Variants in TENM1 observed in about 807,000 individuals in gnomAD.
TENM1 encodes the protein teneurin-1.
A neutral mutation model predicts 174.8 loss-of-function variants in TENM1; 35 were observed. The observed-to-expected ratio is 0.20, with a 90% CI of 0.15 to 0.27. The LOEUF (loss-of-function observed/expected upper bound fraction) is 0.27. Ranked by LOEUF, TENM1 falls within the 10% of genes least tolerant of loss-of-function variation. The pLI is 1.00. For synonymous variants in TENM1, 781 were observed against 798.7 expected, an observed-to-expected ratio of 0.98 and a Z score of 0.37; for missense variants, 1,633 against 2,130.1, an observed-to-expected ratio of 0.77 and a Z score of 4.59.
At chrX:125,089,906 T>C in the TENM1 span, among the ~76,000 whole-genome samples, 2 of 111,396 alleles carry the variant, frequency 1.8e-5, no homozygotes, top group Non-Finnish European at 3.8e-5. Flanking sequence ...ATAGAAAATT[T>C]AGGGGTCTGT....
Position 124,379,059 on chromosome X carries a change from TG to T in TENM1, c.*1476del, listed in dbSNP as rs1349303433. ...ATTTTACAAACTATCTCTTTGTCAC[TG>T]GGCACAAATCTTCCAGCTCACCAAG... On this transcript the variant is annotated 3_prime_UTR_variant, in exon 32 of 32. Transcript: ENST00000422452. 4.5e-5 allele frequency: 5 copies of T among 112,260 alleles called. No individual in the cohort carries two copies. The Admixed American group carries it at 4.7e-4, about 11-fold the overall frequency. The allele number at this position is 112,260 out of a possible 1,213,427, so 9.3% of individuals were successfully genotyped here.
the TENM1 span, among the ~76,000 whole-genome samples, chrX:125,185,554 G>C: frequency 2.7e-5 from 3 of 112,291 alleles, no homozygotes; most frequent in African/African-American, 9.7e-5. Context: ...AAATACAACT[G>C]ACTATATCAC....
intron 22 of TENM1, among the ~76,000 whole-genome samples, chrX:124,478,773 C>G (rs1390904363): frequency 8.9e-6 from 1 of 111,807 alleles, no homozygotes; most frequent in Non-Finnish European, 1.9e-5. Context: ...CGTTTGCTAT[C>G]TACTAAGTGG....
At chrX:124,600,322 G>T (rs756627059) in intron 11 of TENM1, among the ~76,000 whole-genome samples, 4 of 111,271 alleles carry the variant, frequency 3.6e-5, no homozygotes, top group African/African-American at 6.5e-5. Flanking sequence ...ACCTTGAAGT[G>T]GCAGTCAGTC....
At chrX:124,447,315 T>C (rs758249106) in intron 23 of TENM1, among the ~76,000 whole-genome samples, 6 of 111,420 alleles carry the variant, frequency 5.4e-5, no homozygotes, top group Non-Finnish European at 9.4e-5. Flanking sequence ...ACACACAGGC[T>C]TTCTCCTGGT....
intron 1 of TENM1, among the ~76,000 whole-genome samples, chrX:124,945,161 G>A (rs6655807): frequency 1.3e-3 from 148 of 112,010 alleles, no homozygotes; most frequent in African/African-American, 4.3e-3. Context: ...GCAAGAGACC[G>A]AGCCAGGTCC....
chrX:124,445,306 C>T (rs1346404185), intron 23 of TENM1, among the ~76,000 whole-genome samples: 1 of 111,618 alleles, frequency 9.0e-6, no homozygotes, highest in Non-Finnish European at 1.9e-5. Flanking sequence ...GAATGTGCTG[C>T]CTGGGGGAGG....
chrX:125,018,709 G>A, the TENM1 span, among the ~76,000 whole-genome samples: 3 of 111,033 alleles, frequency 2.7e-5, no homozygotes, highest in East Asian at 2.8e-4. Context: ...TAGGGGTACC[G>A]TAAGTGTAAT....
At chrX:125,128,134 T>C in the TENM1 span, among the ~76,000 whole-genome samples, 408 of 111,852 alleles carry the variant, frequency 3.6e-3, 3 homozygotes, top group African/African-American at 0.012. Context: ...TTCCCTTCTT[T>C]CTTTAGTAAC....
In TENM1 at chrX:124,487,190, G is replaced by A; in HGVS notation, c.3716+19C>T. 8.6e-7 allele frequency: 1 copy of A among 1,163,207 alleles called. No individual in the cohort carries two copies. Among genetic ancestry groups the A allele is most frequent in the Non-Finnish European group, 1.2e-6 (1 of 869,240 alleles). On this transcript the variant is annotated intron_variant, in intron 21 of 31. Transcript: ENST00000422452. Reference sequence around the variant, plus strand: ...AGGCAAGAGGGGGCATTAGGTAGCTGCTGATGTGATTTGCTTACCTATGTC... The same window carrying A: ...AGGCAAGAGGGGGCATTAGGTAGCTACTGATGTGATTTGCTTACCTATGTC...
At chrX:124,820,058 T>C (rs746748881) in intron 3 of TENM1, among the ~76,000 whole-genome samples, 5 of 110,791 alleles carry the variant, frequency 4.5e-5, no homozygotes, top group Non-Finnish European at 7.6e-5. Flanking sequence ...AAGCGCTGGG[T>C]GCTGGGATTA....
chrX:124,745,601 G>T (rs1201837120), intron 3 of TENM1, among the ~76,000 whole-genome samples: 3 of 111,034 alleles, frequency 2.7e-5, no homozygotes, highest in Non-Finnish European at 5.7e-5. Context: ...GGGAGAGAAA[G>T]GGGTTGGGGT....
chrX:125,056,330 G>A, the TENM1 span, among the ~76,000 whole-genome samples: 1 of 111,636 alleles, frequency 9.0e-6, no homozygotes, highest in African/African-American at 3.3e-5. Context: ...TGGTGAGAAT[G>A]GTGATAGAGA....
chrX:125,040,815 T>A, the TENM1 span, among the ~76,000 whole-genome samples: 3 of 111,343 alleles, frequency 2.7e-5, no homozygotes, highest in South Asian at 1.1e-3. Context: ...GAAAAAAAAA[T>A]TGATACTATT....
chrX:125,145,356 A>G, the TENM1 span, among the ~76,000 whole-genome samples: 1 of 112,364 alleles, frequency 8.9e-6, no homozygotes, highest in African/African-American at 3.2e-5. Flanking sequence ...AATACTGGAA[A>G]TCATCAAGGC....
At chrX:124,936,016 T>G (rs2058239708) in intron 1 of TENM1, among the ~76,000 whole-genome samples, 1 of 111,935 alleles carries the variant, frequency 8.9e-6, no homozygotes, top group African/African-American at 3.3e-5. Context: ...AACTGATTTC[T>G]CTTGTTCCTT....
chrX:124,428,054 C>T (rs2060738177), intron 23 of TENM1, among the ~76,000 whole-genome samples: 2 of 111,934 alleles, frequency 1.8e-5, no homozygotes, highest in South Asian at 7.4e-4. Flanking sequence ...TGGTGGTTGC[C>T]ACACCTTGTA....
At chrX:124,781,233 C>T (rs1024743385) in intron 3 of TENM1, among the ~76,000 whole-genome samples, 2 of 111,708 alleles carry the variant, frequency 1.8e-5, no homozygotes, top group African/African-American at 6.5e-5. Context: ...TCTAAGCACA[C>T]CATACACTTA....
At chrX:124,915,867 C>G (rs1308126792) in intron 1 of TENM1, among the ~76,000 whole-genome samples, 1 of 112,352 alleles carries the variant, frequency 8.9e-6, no homozygotes, top group Admixed American at 9.4e-5. Context: ...ATAAGCATCT[C>G]AGGATTTATT....
Sources: gnomAD v4.1 joint callset for allele counts (sites outside exome capture counted in the v4.1 genomes callset) on GRCh38, gnomAD v4.1.1 for gene constraint, MANE v1.5 for transcripts, NCBI Gene and HGNC (gene_info 2026-07-23, HGNC 2026-07-21) for gene names.